The following TNNI3K variants were observed in gnomAD, a reference collection of about 807,000 sequenced individuals.
TNNI3K encodes TNNI3 interacting kinase, also known as serine/threonine-protein kinase TNNI3K.
TNNI3K carries 140 observed loss-of-function variants against 114.5 expected under a neutral mutation model. The observed-to-expected ratio is 1.22, with a 90% CI of 1.07 to 1.41. The LOEUF (loss-of-function observed/expected upper bound fraction) is 1.41, where lower values mean the gene tolerates loss of function less well. Among genes scored for constraint, TNNI3K ranks in the 40% most tolerant of loss-of-function variants. TNNI3K has a pLI of 0.00. For missense variants in TNNI3K, 1,125 were observed against 1,007.6 expected (o/e 1.12, Z -1.58); for synonymous variants, 347 against 347.5 (o/e 1.00, Z 0.02).
chr1:74,508,632 G>A (rs979130430), intron 23 of TNNI3K, among the ~76,000 whole-genome samples: 36 of 152,168 alleles, frequency 2.4e-4, no homozygotes, highest in African/African-American at 8.0e-4. Context: ...GCGGTAGCAT[G>A]GGAGACTGCA....
chr1:74,326,465 C>T (rs1012381316), intron 5 of TNNI3K, among the ~76,000 whole-genome samples: 2 of 152,106 alleles, frequency 1.3e-5, no homozygotes, highest in Non-Finnish European at 2.9e-5. Context: ...ATAGGCATTA[C>T]TTTTGGAATT....
At position 74,367,250 on chromosome 1, in the gene TNNI3K, A is replaced by G. The variant is rs1483395065; in HGVS notation, c.1178-6A>G. 1.9e-6 allele frequency: 3 copies of G among 1,610,960 alleles called. No homozygotes were observed. Among genetic ancestry groups the G allele is most frequent in the Non-Finnish European group, 2.5e-6 (3 of 1,178,274 alleles). On this transcript the variant is annotated splice_region_variant and splice_polypyrimidine_tract_variant and intron_variant, in intron 11 of 24. Transcript: ENST00000326637. ...GACTCTTTGTTCTTTGTATCTTTTCATAAAGGGCATGATGCCATTGTCACA... is the reference window on the plus strand; with the variant it reads ...GACTCTTTGTTCTTTGTATCTTTTCGTAAAGGGCATGATGCCATTGTCACA...
chr1:74,376,134 AGAT>A (rs1056413801), intron 17 of TNNI3K, among the ~76,000 whole-genome samples: 2 of 152,044 alleles, frequency 1.3e-5, no homozygotes, highest in Non-Finnish European at 2.9e-5. Flanking sequence ...TTAATTTTGA[AGAT>A]GACATTTAAC....
chr1:74,417,677 CGTGTTTGTGT>C (rs1208032541), intron 17 of TNNI3K, among the ~76,000 whole-genome samples: 2 of 77,980 alleles, frequency 2.6e-5, no homozygotes, highest in African/African-American at 1.2e-4. Context: ...GAAAAGTGTA[CGTGTTTGTGT>C]GTGTGTGTGT....
intron 5 of TNNI3K, among the ~76,000 whole-genome samples, chr1:74,277,477 T>C (rs1656754266): frequency 6.6e-6 from 1 of 152,168 alleles, no homozygotes; most frequent in Admixed American, 6.6e-5. Context: ...TTACTACATA[T>C]ACGATTAAAG....
intron 2 of TNNI3K, among the ~76,000 whole-genome samples, chr1:74,247,217 G>T (rs1171022606): frequency 5.9e-5 from 9 of 152,040 alleles, no homozygotes; most frequent in African/African-American, 1.9e-4. Flanking sequence ...TGGTCTGCTG[G>T]CTTCAGGAGT....
rs149125643 is a variant in TNNI3K, at chr1:74,266,890, A to G, written c.334-4708A>G. On this transcript the variant is annotated intron_variant, in intron 4 of 24. Transcript: ENST00000326637. ...GGAGATCTATTCTACCTCAAATTCTATTTCTCAAGGATATAGCTGGAGCGC... is the reference window on the plus strand; with the variant it reads ...GGAGATCTATTCTACCTCAAATTCTGTTTCTCAAGGATATAGCTGGAGCGC... Among the ~76,000 whole-genome samples, 90 of 152,044 alleles carry G rather than the reference A, an allele frequency of 5.9e-4. 1 individual carries two copies. Among genetic ancestry groups the G allele is most frequent in the African/African-American group, 2.1e-3 (87 of 41,526 alleles).
intron 21 of TNNI3K, chr1:74,475,707 G>A (rs1391315930): frequency 1.1e-5 from 8 of 702,764 alleles, no homozygotes; most frequent in Admixed American, 8.4e-5. Flanking sequence ...GGGGTTCATC[G>A]AAGGTTCTGC....
chr1:74,264,595 A>C (rs1479799720), intron 4 of TNNI3K, among the ~76,000 whole-genome samples: 4 of 152,096 alleles, frequency 2.6e-5, no homozygotes, highest in African/African-American at 9.7e-5. Flanking sequence ...ATATGTCCCT[A>C]TTTTATATCC....
chr1:74,402,783 G>A (rs1470778921), intron 17 of TNNI3K, among the ~76,000 whole-genome samples: 1 of 152,188 alleles, frequency 6.6e-6, no homozygotes, highest in Admixed American at 6.5e-5. Context: ...CCACCCCACA[G>A]CCCACAGGCT....
At chr1:74,270,235 G>T in intron 4 of TNNI3K, among the ~76,000 whole-genome samples, 1 of 151,668 alleles carries the variant, frequency 6.6e-6, no homozygotes, top group Non-Finnish European at 1.5e-5. Context: ...TGAGATTTAT[G>T]TGGAACTTGG....
chr1:74,438,231 T>C (rs919627313), intron 19 of TNNI3K, among the ~76,000 whole-genome samples: 2 of 151,876 alleles, frequency 1.3e-5, no homozygotes, highest in Admixed American at 6.6e-5. Flanking sequence ...CTCCCACATA[T>C]ACAATGTTGT....
chr1:74,537,343 T>C (rs946192734), intron 23 of TNNI3K, among the ~76,000 whole-genome samples: 1 of 152,186 alleles, frequency 6.6e-6, no homozygotes, highest in Non-Finnish European at 1.5e-5. Flanking sequence ...CCATATTTAT[T>C]GTTGATTGAG....
chr1:74,489,317 A>G, intron 22 of TNNI3K, 69 bp downstream of exon 22: 1 of 1,518,498 alleles, frequency 6.6e-7, no homozygotes, highest in South Asian at 1.2e-5. Context: ...CAGGGAATGT[A>G]GATGAGCTGG....
chr1:74,390,731 T>C (rs1239480315), intron 17 of TNNI3K, among the ~76,000 whole-genome samples: 3 of 152,000 alleles, frequency 2.0e-5, no homozygotes, highest in Non-Finnish European at 4.4e-5. Flanking sequence ...ATTTTAGATA[T>C]GGTAAGTGCT....
chr1:74,524,199 A>G (rs1437083503), intron 23 of TNNI3K, among the ~76,000 whole-genome samples: 1 of 152,260 alleles, frequency 6.6e-6, no homozygotes, highest in Non-Finnish European at 1.5e-5. Flanking sequence ...GTAACCATGT[A>G]GCAATTACCA....
At chr1:74,543,619 C>G (rs1234886053) in intron 24 of TNNI3K, among the ~76,000 whole-genome samples, 2 of 152,194 alleles carry the variant, frequency 1.3e-5, no homozygotes, top group African/African-American at 2.4e-5. Flanking sequence ...TTTTAGCCAC[C>G]CTGACATGCC....
At chr1:74,428,429 T>C (rs1030099703) in intron 17 of TNNI3K, among the ~76,000 whole-genome samples, 3 of 152,088 alleles carry the variant, frequency 2.0e-5, no homozygotes, top group Non-Finnish European at 4.4e-5. Context: ...CAATTTGTAT[T>C]TGTAGTGAAG....
intron 6 of TNNI3K, among the ~76,000 whole-genome samples, chr1:74,332,652 C>G (rs1570475959): frequency 1.3e-5 from 2 of 151,976 alleles, no homozygotes; most frequent in Non-Finnish European, 1.5e-5. Context: ...GGTGAGGTAG[C>G]ATGCCAGAGT....
Sources: allele counts gnomAD v4.1 joint callset (sites outside exome capture counted in the v4.1 genomes callset), GRCh38; gene constraint gnomAD v4.1.1; transcripts MANE v1.5; gene names NCBI Gene and HGNC (gene_info 2026-07-23, HGNC 2026-07-21).